Variants in SLC15A1 observed in about 807,000 individuals in gnomAD.
The protein encoded by SLC15A1 is Caco-2 oligopeptide transporter.
SLC15A1 carries 83 observed loss-of-function variants against 92.9 expected under a neutral mutation model. The ratio of observed to expected loss-of-function variants is 0.89; its 90% CI spans 0.75 to 1.07. SLC15A1 has a LOEUF of 1.07. Among genes scored for constraint, SLC15A1 ranks in the 50% least tolerant of loss-of-function variants. The pLI is 0.00. For synonymous variants in SLC15A1, 322 were observed against 318.2 expected, an observed-to-expected ratio of 1.01 and a Z score of -0.13; for missense variants, 857 against 880.1, an observed-to-expected ratio of 0.97 and a Z score of 0.33.
chr13:98,722,439 T>A lies in SLC15A1; in HGVS notation c.366-536A>T, dbSNP rs74775158. Among the ~76,000 whole-genome samples, 91 of 152,158 alleles carry A rather than the reference T, an allele frequency of 6.0e-4. 1 individual carries two copies. The East Asian group carries it at 0.017, about 28-fold the overall frequency. On this transcript the variant is annotated intron_variant, in intron 5 of 22. Transcript: ENST00000376503. ...TGGGATTAAGGGTTATTTAATTTAC[T>A]CTTGTATTTTCTAGGTTATTGCTAA...
chr13:98,692,412 A>G (rs2087987741), intron 18 of SLC15A1, among the ~76,000 whole-genome samples: 2 of 151,528 alleles, frequency 1.3e-5, no homozygotes, highest in Admixed American at 1.3e-4. Flanking sequence ...TCCTGCCTCC[A>G]CCTCCCAAAG....
At position 98,684,296 on chromosome 13, in the gene SLC15A1, C is replaced by T. The variant is rs2087911526; in HGVS notation, c.*428G>A. The T allele has an allele frequency of 6.3e-6, 1 of 158,232 alleles. No individual in the cohort carries two copies. Among genetic ancestry groups the T allele is most frequent in the South Asian group, 1.8e-4 (1 of 5,454 alleles). The allele number at this position is 158,232 out of a possible 1,614,324, so 9.8% of individuals were successfully genotyped here. Reference sequence around the variant, plus strand: ...GGCGCGGTAGCTCAAGCCTGTAATCCCAGCACTTTGGCAGGCCGAGGTGGG... The same window carrying T: ...GGCGCGGTAGCTCAAGCCTGTAATCTCAGCACTTTGGCAGGCCGAGGTGGG... On this transcript the variant is annotated 3_prime_UTR_variant, in exon 23 of 23. Coordinates refer to ENST00000376503, the MANE Select transcript of SLC15A1 (RefSeq NM_005073.4).
chr13:98,688,467 TA>T lies in SLC15A1; in HGVS notation c.1574+2del. The T allele has an allele frequency of 6.2e-7, 1 of 1,613,270 alleles. No individual in the cohort carries two copies. ...GAGTGAAGCATTCAGTCTCGGTACT[TA>T]CATGCCAGAAGGAAAAAACTGGTAT... On this transcript the variant is annotated splice_donor_variant, in intron 19 of 22. Coordinates refer to ENST00000376503, the MANE Select transcript of SLC15A1 (RefSeq NM_005073.4). LOFTEE classifies it high-confidence loss of function.
intron 5 of SLC15A1, among the ~76,000 whole-genome samples, chr13:98,722,233 A>G (rs1566453255): frequency 6.6e-6 from 1 of 152,240 alleles, no homozygotes; most frequent in East Asian, 1.9e-4. Context: ...TTATTGAACA[A>G]ATATAAGCAT....
intron 1 of SLC15A1, among the ~76,000 whole-genome samples, chr13:98,744,748 CAAAAAAAAAAAAAA>C (rs5806073): frequency 1.2e-5 from 1 of 82,414 alleles, no homozygotes; most frequent in Non-Finnish European, 2.3e-5. Context: ...GATTCCATCT[CAAAAAAAAAAAAAA>C]AAAAAAAAAA....
intron 4 of SLC15A1, 117 bp downstream of exon 4, chr13:98,726,005 GC>G: frequency 7.7e-7 from 1 of 1,302,870 alleles, no homozygotes; most frequent in Non-Finnish European, 1.0e-6. Context: ...ACCACACCTG[GC>G]CTCTCCTAAG....
intron 1 of SLC15A1, among the ~76,000 whole-genome samples, chr13:98,743,572 C>A (rs2088466337): frequency 6.6e-6 from 1 of 152,158 alleles, no homozygotes. Flanking sequence ...ACAGAGTGCT[C>A]CAGGGTTCAC....
chr13:98,709,994 T>C, intron 11 of SLC15A1, 83 bp from the exon 12 acceptor site: 1 of 1,307,354 alleles, frequency 7.6e-7, no homozygotes, highest in South Asian at 1.2e-5. Context: ...CTTTTCCAAA[T>C]CAGGAATGAG....
chr13:98,716,035 A>G (rs2088209438), intron 8 of SLC15A1, 75 bp from the exon 9 acceptor site: 1 of 1,195,978 alleles, frequency 8.4e-7, no homozygotes, highest in Admixed American at 1.7e-5. Context: ...ATGCGCCTTT[A>G]TTTGAATTAT....
chr13:98,712,681 G>C lies in SLC15A1; in HGVS notation c.724-97C>G, dbSNP rs552409430. ...AACTACCTTTAGGAGAAAAATATAC[G>C]TGTGAGAAAAGCAAAATATACAATT... On this transcript the variant is annotated intron_variant, in intron 9 of 22. Transcript: ENST00000376503. 25 of 850,814 alleles carry C rather than the reference G, an allele frequency of 2.9e-5. No individual in the cohort carries two copies. The South Asian group carries it at 3.6e-4, about 12-fold the overall frequency. The allele number at this position is 850,814 out of a possible 1,614,324, so 52.7% of individuals were successfully genotyped here.
At position 98,750,702 on chromosome 13, in the gene SLC15A1, C is replaced by T. The variant is rs927470131; in HGVS notation, c.4+1893G>A. The stretch of plus-strand genomic sequence containing the variant: ...CAACTGCTTCAAGTGTCCCCTCAGT[C>T]ACTGAGGGATCTGAAGCAATTCTGG... On this transcript the variant is annotated intron_variant, in intron 1 of 22. Transcript: ENST00000376503. Among the ~76,000 whole-genome samples the T allele has an allele frequency of 3.3e-5, 5 of 152,002 alleles. No individual in the cohort carries two copies. In the South Asian group the frequency reaches 8.3e-4, roughly 25 times the overall value.
At chr13:98,742,109 A>G (rs1281237607) in intron 1 of SLC15A1, among the ~76,000 whole-genome samples, 1 of 152,234 alleles carries the variant, frequency 6.6e-6, no homozygotes, top group Non-Finnish European at 1.5e-5. Flanking sequence ...TGGTCCTCCC[A>G]GAACACAAGA....
At chr13:98,727,718 C>T (rs1228474678) in intron 1 of SLC15A1, among the ~76,000 whole-genome samples, 1 of 152,196 alleles carries the variant, frequency 6.6e-6, no homozygotes. Flanking sequence ...TTTACACCTC[C>T]TCACTCTGCT....
At chr13:98,748,139 G>A (rs768333160) in intron 1 of SLC15A1, among the ~76,000 whole-genome samples, 6 of 152,150 alleles carry the variant, frequency 3.9e-5, no homozygotes, top group Non-Finnish European at 8.8e-5. Context: ...CCTGCCCCCT[G>A]AGGATATAAT....
At chr13:98,721,706 A>T in intron 6 of SLC15A1, 98 bp downstream of exon 6, 1 of 1,337,734 alleles carries the variant, frequency 7.5e-7, no homozygotes, top group Non-Finnish European at 1.0e-6. Context: ...TAATGTACTT[A>T]AAAAGAATCC....
At chr13:98,702,129 T>C (rs1167203357) in intron 18 of SLC15A1, among the ~76,000 whole-genome samples, 3 of 152,210 alleles carry the variant, frequency 2.0e-5, no homozygotes, top group African/African-American at 7.2e-5. Context: ...CTTTTAGACT[T>C]TCGCCATGAA....
intron 4 of SLC15A1, 35 bp from the exon 5 acceptor site, chr13:98,724,066 T>C (rs1368937393): frequency 3.7e-6 from 6 of 1,612,112 alleles, no homozygotes; most frequent in Non-Finnish European, 5.1e-6. Flanking sequence ...TCCGAGTTAA[T>C]TGCACAATAG....
At chr13:98,685,305 C>T (rs991294800) in intron 22 of SLC15A1, among the ~76,000 whole-genome samples, 2 of 152,212 alleles carry the variant, frequency 1.3e-5, no homozygotes, top group Non-Finnish European at 1.5e-5. Context: ...AAGAGCCCCA[C>T]GTTCCTCCTT....
At chr13:98,702,591 G>A in intron 17 of SLC15A1, 62 bp from the exon 18 acceptor site, 2 of 1,307,376 alleles carry the variant, frequency 1.5e-6, no homozygotes, top group Non-Finnish European at 2.2e-6. Flanking sequence ...AATGAGTTCA[G>A]ATGAATATTT....
Sources: allele counts gnomAD v4.1 joint callset (sites outside exome capture counted in the v4.1 genomes callset), GRCh38; gene constraint gnomAD v4.1.1; transcripts MANE v1.5; gene names NCBI Gene and HGNC (gene_info 2026-07-23, HGNC 2026-07-21).